The following PKNOX1 variants were observed in gnomAD, a reference collection of about 807,000 sequenced individuals.
The protein encoded by PKNOX1 is PBX/knotted 1 homeobox 1.
PKNOX1 carries 15 observed loss-of-function variants against 51.9 expected under a neutral mutation model. That is an observed-to-expected ratio of 0.29 (90% CI 0.19 to 0.45). The LOEUF (loss-of-function observed/expected upper bound fraction) is 0.45, where lower values mean the gene tolerates loss of function less well. Among genes scored for constraint, PKNOX1 ranks in the 20% least tolerant of loss-of-function variants. The probability of loss-of-function intolerance (pLI) is 1.00; values close to 1 mark genes in which losing one functional copy is unlikely to be tolerated. For synonymous variants in PKNOX1, 219 were observed against 211.1 expected, an observed-to-expected ratio of 1.04 and a Z score of -0.32; for missense variants, 462 against 547.5, an observed-to-expected ratio of 0.84 and a Z score of 1.56.
intron 9 of PKNOX1, among the ~76,000 whole-genome samples, chr21:43,027,601 A>G (rs1249248417): frequency 6.6e-6 from 1 of 152,344 alleles, no homozygotes; most frequent in Admixed American, 6.5e-5. Flanking sequence ...TTGATATGAA[A>G]CAATGTCCAG....
intron 2 of PKNOX1, among the ~76,000 whole-genome samples, chr21:43,004,726 G>A (rs1001490547): frequency 4.6e-5 from 7 of 152,104 alleles, no homozygotes; most frequent in African/African-American, 9.7e-5. Context: ...AAGAAAACCC[G>A]GTTGATTTTC....
chr21:42,996,793 C>A (rs1382904830), intron 1 of PKNOX1, among the ~76,000 whole-genome samples: 1 of 152,072 alleles, frequency 6.6e-6, no homozygotes, highest in Non-Finnish European at 1.5e-5. Flanking sequence ...GTCTTGAACT[C>A]CTGGGCTCAA....
chr21:42,987,854 G>A (rs1050088251), intron 1 of PKNOX1, among the ~76,000 whole-genome samples: 14 of 151,596 alleles, frequency 9.2e-5, no homozygotes, highest in African/African-American at 3.2e-4. Context: ...TCCTGACCTC[G>A]TGATCCACCC....
chr21:43,002,838 T>C (rs1978822645), intron 1 of PKNOX1, among the ~76,000 whole-genome samples: 1 of 152,172 alleles, frequency 6.6e-6, no homozygotes, highest in Non-Finnish European at 1.5e-5. Flanking sequence ...TGCCTCAGCC[T>C]CCTGAGTAGC....
At chr21:42,974,693 C>T (rs2058982323) in intron 1 of PKNOX1, 29 bp downstream of exon 1, 2 of 166,886 alleles carry the variant, frequency 1.2e-5, no homozygotes, top group Non-Finnish European at 1.2e-5. Flanking sequence ...GCTCCGCCGC[C>T]GCCGCCGCCG....
chr21:43,019,400 T>TAAAAAAA (rs1979653823), intron 7 of PKNOX1, among the ~76,000 whole-genome samples: 1 of 42,786 alleles, frequency 2.3e-5, no homozygotes, highest in African/African-American at 1.0e-4. Context: ...TCAAATAAAA[T>TAAAAAAA]AAAATAAACA....
At chr21:42,989,287 A>G (rs1398748889) in intron 1 of PKNOX1, among the ~76,000 whole-genome samples, 1 of 139,580 alleles carries the variant, frequency 7.2e-6, no homozygotes. Context: ...CCTATCCCCA[A>G]CCTGTTTTTT....
At chr21:42,987,493 T>C (rs2146233847) in intron 1 of PKNOX1, among the ~76,000 whole-genome samples, 1 of 149,246 alleles carries the variant, frequency 6.7e-6, no homozygotes, top group Middle Eastern at 3.6e-3. Context: ...AGTAAGATTT[T>C]TTAAAAAGTA....
Position 43,030,305 on chromosome 21 carries a change from G to A in PKNOX1, c.*204G>A, listed in dbSNP as rs922325494. The A allele has an allele frequency of 5.0e-5, 20 of 397,356 alleles. No homozygotes were observed. The highest frequency in any genetic ancestry group is 2.4e-4 in the South Asian group (3 of 12,568). 24.6% of individuals were successfully genotyped at this position (397,356 alleles called of 1,614,324 possible). On this transcript the variant is annotated 3_prime_UTR_variant, in exon 11 of 11. Coordinates refer to ENST00000291547, the MANE Select transcript of PKNOX1 (RefSeq NM_004571.5). The stretch of plus-strand genomic sequence containing the variant: ...TGTGTGTGTGTGTGCGTGTGTGCGT[G>A]TGTGTGGATTTTTAAAGAAATTCTT...
In PKNOX1 at chr21:43,030,081, A is replaced by G. The variant is rs1417150655; in HGVS notation, c.1291A>G (p.Asn431Asp). The G allele has an allele frequency of 6.2e-7, 1 of 1,603,636 alleles. No homozygotes were observed. Among genetic ancestry groups the G allele is most frequent in the Non-Finnish European group, 8.5e-7 (1 of 1,171,458 alleles). ...CCACATCAGCGGGCTGGTCTTGGAG[A>G]ACAGTGACTCCCTGCAGTAGGGGCA... ...PAHISGLVLE[N>D]SDSLQ is the part of the protein sequence containing the mutation. Residue 431 changes from asparagine (N) to aspartate (D), a missense_variant, in exon 11 of 11, where the codon AAC becomes GAC. Physicochemically the swap from Asn to Asp is conservative, Grantham distance 23. Around this residue, in one of 5 missense-constraint regions of PKNOX1, gnomAD observed 118 missense variants for 116.8 expected, o/e 1.01. Transcript: ENST00000291547.
At chr21:43,012,988 T>C in intron 4 of PKNOX1, 80 bp from the exon 5 acceptor site, 3 of 1,137,502 alleles carry the variant, frequency 2.6e-6, no homozygotes, top group Non-Finnish European at 3.8e-6. Context: ...ATCTAATGAC[T>C]AAGAACTGGT....
chr21:42,976,101 C>T (rs1384811920), intron 1 of PKNOX1, among the ~76,000 whole-genome samples: 2 of 152,174 alleles, frequency 1.3e-5, no homozygotes, highest in East Asian at 3.8e-4. Context: ...AGGCGTACCT[C>T]AGATAATTCG....
At chr21:42,980,780 T>C (rs1288175207) in intron 1 of PKNOX1, among the ~76,000 whole-genome samples, 2 of 152,244 alleles carry the variant, frequency 1.3e-5, no homozygotes, top group Admixed American at 1.3e-4. Context: ...TGTGACACTC[T>C]AATGCTTTGG....
rs234716 is a variant in PKNOX1, at chr21:43,021,858, A to T, written c.849+427A>T. Among the ~76,000 whole-genome samples the T allele has an allele frequency of 1.3e-5, 2 of 152,188 alleles. No homozygotes were observed. The highest frequency in any genetic ancestry group is 1.9e-4 in the East Asian group (1 of 5,180). On this transcript the variant is annotated intron_variant, in intron 8 of 10. Transcript: ENST00000291547. The surrounding 1 kb of genome is among the most constrained non-coding windows in gnomAD (Gnocchi z 4.6). Reference sequence around the variant, plus strand: ...GGTGGGCCACCGGGTGGGTGCCTTTAGCTGGAAGCGAGTTTGTCCCACAGG... The same window carrying T: ...GGTGGGCCACCGGGTGGGTGCCTTTTGCTGGAAGCGAGTTTGTCCCACAGG...
intron 1 of PKNOX1, among the ~76,000 whole-genome samples, chr21:42,994,602 A>C (rs1978408173): frequency 6.6e-6 from 1 of 151,926 alleles, no homozygotes; most frequent in African/African-American, 2.4e-5. Flanking sequence ...TCTGCTACCT[A>C]GATTCAACAG....
rs1469760524 is a variant in PKNOX1 at position 43,032,108 on chromosome 21, C to A, written c.*2007C>A. The A allele has an allele frequency of 6.6e-6, 3 of 452,992 alleles. No individual in the cohort carries two copies. The Admixed American group carries it at 7.2e-5, about 11-fold the overall frequency. The allele number at this position is 452,992 out of a possible 1,614,324, so 28.1% of individuals were successfully genotyped here. A position where few individuals can be genotyped will look rare whatever the true frequency, so the allele number is the denominator to read the frequency against. ...CTCCCGACCTCAGGTGATCTGCCTGCCTCAGCCTCCCAAAGTGCTGGGATT... is the reference window on the plus strand; with the variant it reads ...CTCCCGACCTCAGGTGATCTGCCTGACTCAGCCTCCCAAAGTGCTGGGATT... On this transcript the variant is annotated 3_prime_UTR_variant, in exon 11 of 11. Coordinates refer to ENST00000291547, the MANE Select transcript of PKNOX1 (RefSeq NM_004571.5).
intron 9 of PKNOX1, among the ~76,000 whole-genome samples, chr21:43,027,955 G>A (rs1980054575): frequency 6.6e-6 from 1 of 152,204 alleles, no homozygotes; most frequent in South Asian, 2.1e-4. Context: ...CTGCCAGCCT[G>A]TGATTGTTGC....
intron 1 of PKNOX1, among the ~76,000 whole-genome samples, chr21:42,978,706 A>G (rs1292269535): frequency 1.3e-5 from 2 of 149,570 alleles, no homozygotes; most frequent in Non-Finnish European, 3.0e-5. Context: ...CTGGTCTTGA[A>G]CTCCTGACCT....
rs954600850 is a variant in PKNOX1 at position 43,007,388 on chromosome 21, T to A, written c.52-103T>A. The A allele has an allele frequency of 3.0e-6, 3 of 1,003,922 alleles. No individual in the cohort carries two copies. The African/African-American group carries it at 4.7e-5, about 16-fold the overall frequency. The allele number at this position is 1,003,922 out of a possible 1,614,324, so 62.2% of individuals were successfully genotyped here. A position where few individuals can be genotyped will look rare whatever the true frequency, so the allele number is the denominator to read the frequency against. On this transcript the variant is annotated intron_variant, in intron 2 of 10. Transcript: ENST00000291547. ...TCTTTACATATGATTGCAGTCATAC[T>A]GCTGTCTGGCAATTCCCCACTCCAA...
Sources: gnomAD v4.1 joint callset for allele counts (sites outside exome capture counted in the v4.1 genomes callset) on GRCh38, gnomAD v4.1.1 for gene constraint, gnomAD v4.1.1 regional missense constraint, Gnocchi (gnomAD v3.1) non-coding constraint, MANE v1.5 for transcripts, NCBI Gene and HGNC (gene_info 2026-07-23, HGNC 2026-07-21) for gene names.